Variants in GRID1 observed in about 807,000 individuals in gnomAD.
GRID1 encodes the protein glutamate ionotropic receptor delta type subunit 1.
GRID1 carries 28 observed loss-of-function variants against 98.0 expected under a neutral mutation model. That is an observed-to-expected ratio of 0.29 (90% CI 0.21 to 0.39). The LOEUF is 0.39. GRID1 is among the 10% of genes least tolerant of loss of function. The probability of loss-of-function intolerance (pLI) is 1.00; values close to 1 mark genes in which losing one functional copy is unlikely to be tolerated. For missense variants in GRID1, 1,111 were observed against 1,340.5 expected (o/e 0.83, Z 2.67); for synonymous variants, 553 against 538.5 (o/e 1.03, Z -0.37).
At chr10:86,105,611 G>A (rs1382322535) in intron 4 of GRID1, among the ~76,000 whole-genome samples, 1 of 152,154 alleles carries the variant, frequency 6.6e-6, no homozygotes, top group African/African-American at 2.4e-5. Context: ...AGTGTCCGGG[G>A]CACACGGAGC....
At position 85,599,686 on chromosome 10, in the gene GRID1, A is replaced by G. The variant is rs1842541950; in HGVS notation, c.*2587T>C. ...AGAGCAAAGCATGAAAAAAAGATAC[A>G]TTCTGAGCTGACACAGAAATCTGAG... On this transcript the variant is annotated 3_prime_UTR_variant, in exon 16 of 16. Coordinates refer to ENST00000327946, the MANE Select transcript of GRID1 (RefSeq NM_017551.3). 1 of 150,384 alleles carries G rather than the reference A, an allele frequency of 6.6e-6. No homozygotes were observed. The highest frequency in any genetic ancestry group is 2.5e-5 in the African/African-American group (1 of 40,504). The allele number at this position is 150,384 out of a possible 1,614,324, so 9.3% of individuals were successfully genotyped here.
intron 5 of GRID1, among the ~76,000 whole-genome samples, chr10:85,905,918 A>G (rs1841454353): frequency 6.6e-6 from 1 of 152,180 alleles, no homozygotes; most frequent in Admixed American, 6.5e-5. Flanking sequence ...GATTACATTC[A>G]GTATAAATTA....
chr10:85,733,648 A>G (rs1761892226), intron 8 of GRID1, among the ~76,000 whole-genome samples: 1 of 152,210 alleles, frequency 6.6e-6, no homozygotes, highest in African/African-American at 2.4e-5. Flanking sequence ...TTTCTTATCT[A>G]TGAAATGGGA....
chr10:85,876,684 G>A (rs1457721806), intron 5 of GRID1, among the ~76,000 whole-genome samples: 2 of 152,208 alleles, frequency 1.3e-5, no homozygotes, highest in African/African-American at 4.8e-5. Flanking sequence ...GAGTGACACA[G>A]AAGACAGGTG....
chr10:85,860,507 C>G (rs2140664), intron 6 of GRID1, among the ~76,000 whole-genome samples: 22,140 of 152,224 alleles, frequency 0.15, 1,720 homozygotes, highest in Middle Eastern at 0.19. Context: ...GCCTTCCTGG[C>G]AGCTCATGGG....
At chr10:86,303,027 C>T (rs1249685629) in intron 2 of GRID1, among the ~76,000 whole-genome samples, 1 of 152,124 alleles carries the variant, frequency 6.6e-6, no homozygotes, top group Non-Finnish European at 1.5e-5. Flanking sequence ...CAGCTGGAAC[C>T]AATCAGGTAT....
At chr10:86,160,536 G>A (rs1315885430) in intron 3 of GRID1, among the ~76,000 whole-genome samples, 1 of 152,202 alleles carries the variant, frequency 6.6e-6, no homozygotes, top group Non-Finnish European at 1.5e-5. Flanking sequence ...AGGGTCAGGA[G>A]GCTGAATGGC....
intron 8 of GRID1, among the ~76,000 whole-genome samples, chr10:85,852,356 C>T (rs1000847195): frequency 3.3e-4 from 50 of 152,262 alleles, no homozygotes; most frequent in African/African-American, 9.6e-4. Flanking sequence ...GTTTTTGAGG[C>T]GCATTGCCTT....
intron 4 of GRID1, among the ~76,000 whole-genome samples, chr10:86,027,741 CTT>C (rs1161703494): frequency 6.6e-6 from 1 of 152,190 alleles, no homozygotes; most frequent in East Asian, 1.9e-4. Flanking sequence ...CATTGTTTGC[CTT>C]TGTTTTGCCT....
chr10:86,230,932 T>C (rs930066018), intron 2 of GRID1, among the ~76,000 whole-genome samples: 7 of 152,158 alleles, frequency 4.6e-5, no homozygotes, highest in Non-Finnish European at 8.8e-5. Flanking sequence ...CCCGGCGGTG[T>C]GGGCAGTGAC....
rs1039041591 is a variant in GRID1 at position 85,686,104 on chromosome 10, C to T, written c.1997+36899G>A. Among the ~76,000 whole-genome samples, 8 of 151,954 alleles carry T rather than the reference C, an allele frequency of 5.3e-5. No individual in the cohort carries two copies. The East Asian group carries it at 1.4e-3, about 26-fold the overall frequency. On this transcript the variant is annotated intron_variant, in intron 12 of 15. Coordinates refer to ENST00000327946, the MANE Select transcript of GRID1 (RefSeq NM_017551.3). ...AAAAGAATAATGCTTCAAGGAAGTT[C>T]TGGAAAAAATAAAAAAGATAAGTGT...
At chr10:86,305,625 GC>G (rs1281544706) in intron 2 of GRID1, among the ~76,000 whole-genome samples, 2 of 152,054 alleles carry the variant, frequency 1.3e-5, no homozygotes, top group Non-Finnish European at 2.9e-5. Flanking sequence ...TTCTCGGTTT[GC>G]CCCCCACCAC....
intron 8 of GRID1, among the ~76,000 whole-genome samples, chr10:85,812,962 T>C (rs534250426): frequency 6.6e-6 from 1 of 151,818 alleles, no homozygotes; most frequent in Admixed American, 6.6e-5. Context: ...GCAGCATTGG[T>C]ACCTAAAGTT....
chr10:85,868,932 C>A (rs912436626), intron 6 of GRID1, 78 bp downstream of exon 6: 42 of 1,252,934 alleles, frequency 3.4e-5, no homozygotes, highest in Non-Finnish European at 4.6e-5. Context: ...ATAGGAGGCC[C>A]CCACATGTCT....
At chr10:86,345,494 G>A (rs77473938) in intron 2 of GRID1, among the ~76,000 whole-genome samples, 1 of 152,218 alleles carries the variant, frequency 6.6e-6, no homozygotes, top group African/African-American at 2.4e-5. Flanking sequence ...GGAGGCAGAA[G>A]CCAGGCTTAG....
chr10:86,219,745 G>A (rs1233667025), intron 2 of GRID1, among the ~76,000 whole-genome samples: 2 of 152,150 alleles, frequency 1.3e-5, no homozygotes, highest in Non-Finnish European at 2.9e-5. Flanking sequence ...AAGTGCAAGT[G>A]GACTGTTGTC....
intron 2 of GRID1, among the ~76,000 whole-genome samples, chr10:86,212,217 C>G (rs1846117257): frequency 6.6e-6 from 1 of 152,236 alleles, no homozygotes; most frequent in South Asian, 2.1e-4. Context: ...ACACTGGCCA[C>G]TGCCAGCTCA....
At chr10:86,281,016 C>G (rs1847349950) in intron 2 of GRID1, among the ~76,000 whole-genome samples, 1 of 152,206 alleles carries the variant, frequency 6.6e-6, no homozygotes, top group South Asian at 2.1e-4. Flanking sequence ...TCGCCTGGAG[C>G]CAGGGGCATT....
rs373825059 is a variant in GRID1 at position 86,079,657 on chromosome 10, T to C, written c.726+59162A>G. ...ACCCTGGGTGCCCTTGACCAAGTCA[T>C]GCAACCTCTCTGGGCCTCCGTGTCC... On this transcript the variant is annotated intron_variant, in intron 4 of 15. Coordinates refer to ENST00000327946, the MANE Select transcript of GRID1 (RefSeq NM_017551.3). 3.3e-3 allele frequency among the ~76,000 whole-genome samples: 510 copies of C among 152,264 alleles called. 7 individuals carry two copies. Among genetic ancestry groups the C allele is most frequent in the African/African-American group, 0.012 (494 of 41,540 alleles).
Sources: allele counts gnomAD v4.1 joint callset (sites outside exome capture counted in the v4.1 genomes callset), GRCh38; gene constraint gnomAD v4.1.1; transcripts MANE v1.5; gene names NCBI Gene and HGNC (gene_info 2026-07-23, HGNC 2026-07-21).